The following BICC1 variants were observed in gnomAD, a reference collection of about 807,000 sequenced individuals.
The protein encoded by BICC1 is protein bicaudal C homolog 1.
In BICC1, 43 loss-of-function variants were observed where a neutral mutation model predicts 111.0. The ratio of observed to expected loss-of-function variants is 0.39; its 90% CI spans 0.30 to 0.50. The LOEUF is 0.50. Ranked by LOEUF, BICC1 falls within the 20% of genes least tolerant of loss-of-function variation. The pLI, the probability that BICC1 is intolerant of heterozygous loss-of-function variation, is 0.88. For missense variants in BICC1, 1,091 were observed against 1,203.2 expected (o/e 0.91, Z 1.38); for synonymous variants, 467 against 434.4 (o/e 1.07, Z -0.93).
At chr10:58,785,557 G>GTC (rs145993132) in intron 4 of BICC1, among the ~76,000 whole-genome samples, 2,846 of 149,748 alleles carry the variant, frequency 0.019, 32 homozygotes, top group Middle Eastern at 0.059. Context: ...ATCACGTGAT[G>GTC]TCTCTCTCTC....
chr10:58,826,216 T>G (rs1187234470), intron 20 of BICC1, among the ~76,000 whole-genome samples: 3 of 152,016 alleles, frequency 2.0e-5, no homozygotes, highest in Non-Finnish European at 4.4e-5. Context: ...AGGTGAAGGA[T>G]CTAAAGTTGG....
intron 3 of BICC1, among the ~76,000 whole-genome samples, chr10:58,773,009 G>A (rs1269753164): frequency 6.6e-6 from 1 of 152,166 alleles, no homozygotes; most frequent in East Asian, 1.9e-4. Context: ...ATTTGAAGGT[G>A]CCAAGATACT....
chr10:58,782,392 C>A (rs951331389), intron 3 of BICC1, among the ~76,000 whole-genome samples: 1 of 152,130 alleles, frequency 6.6e-6, no homozygotes, highest in Non-Finnish European at 1.5e-5. Context: ...TATATAGGAC[C>A]AATACATAAA....
chr10:58,629,788 G>T (rs913134798), intron 2 of BICC1, among the ~76,000 whole-genome samples: 2 of 152,060 alleles, frequency 1.3e-5, no homozygotes, highest in African/African-American at 4.8e-5. Context: ...ATGATCTTTG[G>T]CTTGATGTAT....
chr10:58,687,654 T>TGGGATCTTCCAAGCCTGGCAC (rs1388052452), intron 2 of BICC1, among the ~76,000 whole-genome samples: 1 of 152,198 alleles, frequency 6.6e-6, no homozygotes, highest in Non-Finnish European at 1.5e-5. Context: ...TCCGTGGGCA[T>TGGGATCTTCCAAGCCTGGCAC]GGGATCTTCC....
intron 6 of BICC1, among the ~76,000 whole-genome samples, chr10:58,788,709 G>A (rs1231835696): frequency 6.6e-6 from 1 of 152,098 alleles, no homozygotes; most frequent in East Asian, 1.9e-4. Context: ...TTTATTCAAT[G>A]ATCATAAAGA....
chr10:58,560,112 A>T (rs1375727183), intron 1 of BICC1, among the ~76,000 whole-genome samples: 1 of 151,298 alleles, frequency 6.6e-6, no homozygotes, highest in African/African-American at 2.4e-5. Context: ...CCTCCTCTTC[A>T]ATTTTTTGGA....
At chr10:58,618,484 C>T (rs944090055) in intron 1 of BICC1, among the ~76,000 whole-genome samples, 11 of 152,304 alleles carry the variant, frequency 7.2e-5, no homozygotes, top group African/African-American at 2.6e-4. Flanking sequence ...TGGGTTGGCT[C>T]GCGCCCAGGT....
intron 1 of BICC1, among the ~76,000 whole-genome samples, chr10:58,572,303 T>C (rs1048653119): frequency 1.3e-5 from 2 of 152,210 alleles, no homozygotes; most frequent in Non-Finnish European, 2.9e-5. Flanking sequence ...ATAGTTTCTT[T>C]TGCTGTGCAG....
At chr10:58,549,263 A>G (rs766366645) in intron 1 of BICC1, among the ~76,000 whole-genome samples, 1 of 152,158 alleles carries the variant, frequency 6.6e-6, no homozygotes. Context: ...GACTTCTATA[A>G]ACATTCTCAT....
intron 1 of BICC1, among the ~76,000 whole-genome samples, chr10:58,574,863 G>A (rs1844061596): frequency 6.6e-6 from 1 of 152,208 alleles, no homozygotes; most frequent in Admixed American, 6.5e-5. Context: ...TGTACAAGAA[G>A]ACAGCTGCAT....
At chr10:58,656,220 C>G (rs867394077) in intron 2 of BICC1, among the ~76,000 whole-genome samples, 1 of 151,492 alleles carries the variant, frequency 6.6e-6, no homozygotes, top group African/African-American at 2.4e-5. Context: ...GTTTACCAAC[C>G]AAAAAGAGTC....
intron 3 of BICC1, among the ~76,000 whole-genome samples, chr10:58,769,022 C>T (rs1276285274): frequency 6.6e-6 from 1 of 151,734 alleles, no homozygotes; most frequent in East Asian, 1.9e-4. Flanking sequence ...TTATGTTAAG[C>T]GAAATAAACC....
chr10:58,648,587 CTCTCTCTCTCTT>C lies in BICC1; in HGVS notation c.237+27706_237+27717del, dbSNP rs898934077. Reference sequence around the variant, plus strand: ...GGGAACAATGGTATGTTTAGTGCCTCTCTCTCTCTCTTTCTCTCTCTCTTTCTCTCTTACAGA... The same window carrying C: ...GGGAACAATGGTATGTTTAGTGCCTCTCTCTCTCTCTTTCTCTCTTACAGA... On this transcript the variant is annotated intron_variant, in intron 2 of 20. Transcript: ENST00000373886. 1.3e-4 allele frequency: 131 copies of C among 983,372 alleles called. 3 individuals carry two copies. The Middle Eastern group carries it at 1.6e-3, about 12-fold the overall frequency. 60.9% of individuals were successfully genotyped at this position (983,372 alleles called of 1,614,324 possible). A position where few individuals can be genotyped will look rare whatever the true frequency, so the allele number is the denominator to read the frequency against.
In BICC1 at chr10:58,828,847, C is replaced by T. The variant is rs749021662; in HGVS notation, c.2881C>T (p.Arg961Cys). 25 of 1,613,840 alleles carry T rather than the reference C, an allele frequency of 1.5e-5. No homozygotes were observed. Among genetic ancestry groups the T allele is most frequent in the South Asian group, 4.4e-5 (4 of 91,078 alleles). ...LEGGASGRLP[R>C]QYHSDIASVS... ...AGGTGGAGCGAGTGGAAGGCTACCC[C>T]GTCAGTATCACTCAGACATTGCTAG... The change falls in exon 21 of 21, where the codon CGT (arginine) becomes TGT (cysteine). Residue 961 changes from arginine (R) to cysteine (C), a missense_variant. Around this residue, in one of 3 missense-constraint regions of BICC1, gnomAD observed 231 missense variants for 256.2 expected, o/e 0.90. Coordinates refer to ENST00000373886, the MANE Select transcript of BICC1 (RefSeq NM_001080512.3).
intron 2 of BICC1, among the ~76,000 whole-genome samples, chr10:58,642,768 G>T (rs1353672296): frequency 6.6e-6 from 1 of 152,024 alleles, no homozygotes; most frequent in Non-Finnish European, 1.5e-5. Context: ...GCAGTGATGT[G>T]ATCACGGCTT....
chr10:58,536,723 T>C (rs766458800), intron 1 of BICC1, among the ~76,000 whole-genome samples: 2 of 151,118 alleles, frequency 1.3e-5, no homozygotes, highest in Non-Finnish European at 3.0e-5. Context: ...CAGAATGAAA[T>C]GAAATTGAAA....
rs537164508 is a variant in BICC1 at position 58,539,545 on chromosome 10, A to T, written c.190+26212A>T. Among the ~76,000 whole-genome samples, 352 of 151,532 alleles carry T rather than the reference A, an allele frequency of 2.3e-3. 4 individuals are homozygous for T. The highest frequency in any genetic ancestry group is 7.8e-3 in the African/African-American group (324 of 41,434). ...CCTAAAGCTACTGAAATAAAAAAAA[A>T]TTTTTGAAGTACATTATGTAATGAT... On this transcript the variant is annotated intron_variant, in intron 1 of 20. Transcript: ENST00000373886.
intron 1 of BICC1, among the ~76,000 whole-genome samples, chr10:58,539,190 A>G (rs1213059539): frequency 2.0e-5 from 3 of 151,860 alleles, no homozygotes; most frequent in African/African-American, 7.2e-5. Context: ...TGTATATTGT[A>G]GAATACTACT....
Sources: gnomAD v4.1 joint callset for allele counts (sites outside exome capture counted in the v4.1 genomes callset) on GRCh38, gnomAD v4.1.1 for gene constraint, gnomAD v4.1.1 regional missense constraint, MANE v1.5 for transcripts, NCBI Gene and HGNC (gene_info 2026-07-23, HGNC 2026-07-21) for gene names.